The following ROBO1 variants were observed in gnomAD, a reference collection of about 807,000 sequenced individuals.
The protein encoded by ROBO1 is roundabout homolog 1.
Under a neutral mutation model 195.9 loss-of-function variants are expected in ROBO1, and 149 were observed. That is an observed-to-expected ratio of 0.76 (90% CI 0.67 to 0.87). ROBO1 has a LOEUF of 0.87. ROBO1 is among the 40% of genes least tolerant of loss of function. ROBO1 has a pLI of 0.00. For synonymous variants in ROBO1, 816 were observed against 733.2 expected, an observed-to-expected ratio of 1.11 and a Z score of -1.82; for missense variants, 1,933 against 2,068.3, an observed-to-expected ratio of 0.93 and a Z score of 1.27.
intron 2 of ROBO1, among the ~76,000 whole-genome samples, chr3:79,427,831 G>A (rs1423090268): frequency 3.9e-5 from 6 of 152,086 alleles, no homozygotes; most frequent in African/African-American, 1.2e-4. Flanking sequence ...TTCAAACTAT[G>A]AAACTACTAA....
At chr3:78,974,982 A>G (rs1273675092) in intron 3 of ROBO1, among the ~76,000 whole-genome samples, 1 of 152,118 alleles carries the variant, frequency 6.6e-6, no homozygotes, top group African/African-American at 2.4e-5. Context: ...AGAGCCTAAG[A>G]CCATGTCTAC....
At chr3:78,786,167 T>TAAGA (rs2083827860) in intron 4 of ROBO1, among the ~76,000 whole-genome samples, 1 of 152,198 alleles carries the variant, frequency 6.6e-6, no homozygotes, top group Non-Finnish European at 1.5e-5. Context: ...TCTGCTACAC[T>TAAGA]TTTATCCTTT....
intron 8 of ROBO1, among the ~76,000 whole-genome samples, chr3:78,690,918 T>TAA (rs1319803960): frequency 1.3e-5 from 2 of 152,094 alleles, no homozygotes; most frequent in African/African-American, 4.8e-5. Flanking sequence ...CTCAAAGACT[T>TAA]ATTTGAGAAC....
At chr3:79,049,289 A>G (rs1391674221) in intron 3 of ROBO1, among the ~76,000 whole-genome samples, 4 of 152,168 alleles carry the variant, frequency 2.6e-5, no homozygotes, top group Non-Finnish European at 5.9e-5. Context: ...AGTGGATGAA[A>G]GGATATCAGT....
At position 78,679,707 on chromosome 3, in the gene ROBO1, C is replaced by T. The variant is rs551118699; in HGVS notation, c.1342+6039G>A. 4.3e-3 allele frequency among the ~76,000 whole-genome samples: 649 copies of T among 152,270 alleles called. 6 individuals are homozygous for T. The highest frequency in any genetic ancestry group is 0.014 in the African/African-American group (601 of 41,542). On this transcript the variant is annotated intron_variant, in intron 10 of 30. Transcript: ENST00000464233. ...AGATACAAACAAATGGAAGAACGTT[C>T]CATGCTCATGGGTAGGAAGAATCAA...
chr3:79,221,645 C>A (rs779396549), intron 2 of ROBO1, among the ~76,000 whole-genome samples: 1 of 152,118 alleles, frequency 6.6e-6, no homozygotes, highest in Non-Finnish European at 1.5e-5. Context: ...GAATAATGTG[C>A]CACTATACCA....
chr3:79,340,533 C>T (rs1310772774), intron 2 of ROBO1, among the ~76,000 whole-genome samples: 1 of 152,128 alleles, frequency 6.6e-6, no homozygotes, highest in Non-Finnish European at 1.5e-5. Flanking sequence ...GCCAGACCCC[C>T]ATGAGTGGAC....
At chr3:79,049,771 A>G (rs761968587) in intron 3 of ROBO1, among the ~76,000 whole-genome samples, 4 of 152,146 alleles carry the variant, frequency 2.6e-5, no homozygotes, top group African/African-American at 9.7e-5. Flanking sequence ...TGAATTTTTA[A>G]CCCAGAATTT....
intron 1 of ROBO1, among the ~76,000 whole-genome samples, chr3:79,712,834 CT>C (rs1702327150): frequency 6.6e-6 from 1 of 152,052 alleles, no homozygotes; most frequent in South Asian, 2.1e-4. Flanking sequence ...TCCTAGTGCC[CT>C]TAAGAATGAT....
At chr3:78,867,765 A>G (rs2107099339) in intron 4 of ROBO1, among the ~76,000 whole-genome samples, 1 of 152,262 alleles carries the variant, frequency 6.6e-6, no homozygotes, top group African/African-American at 2.4e-5. Flanking sequence ...CTTTTTTAAA[A>G]GCCAAATCAG....
In ROBO1 at chr3:79,176,910, A is replaced by G. The variant is rs137892832; in HGVS notation, c.89-51371T>C. Among the ~76,000 whole-genome samples the G allele has an allele frequency of 2.3e-3, 357 of 152,338 alleles. 1 individual carries two copies. The highest frequency in any genetic ancestry group is 0.014 in the South Asian group (68 of 4,830). ...ATGTAAACCTCATATTCTACAAAAT[A>G]TATTAGCTCATAGTGCCAGTTATTA... On this transcript the variant is annotated intron_variant, in intron 2 of 30. Transcript: ENST00000464233.
intron 1 of ROBO1, among the ~76,000 whole-genome samples, chr3:79,756,591 AG>A (rs1704418154): frequency 6.6e-6 from 1 of 150,986 alleles, no homozygotes; most frequent in African/African-American, 2.4e-5. Context: ...TATTTTTCTA[AG>A]GGGTAAGGAT....
chr3:79,126,033 G>A (rs116496509), intron 2 of ROBO1, among the ~76,000 whole-genome samples: 3,240 of 152,270 alleles, frequency 0.021, 121 homozygotes, highest in African/African-American at 0.073. Context: ...GGAAAAACAG[G>A]TCTTGTCAAA....
intron 8 of ROBO1, among the ~76,000 whole-genome samples, chr3:78,696,703 C>T (rs1575957396): frequency 6.8e-6 from 1 of 146,140 alleles, no homozygotes. Context: ...TATATATACA[C>T]ATATATATAC....
At chr3:78,859,907 G>A (rs1002093372) in intron 4 of ROBO1, among the ~76,000 whole-genome samples, 9 of 151,964 alleles carry the variant, frequency 5.9e-5, no homozygotes, top group African/African-American at 1.7e-4. Flanking sequence ...GGTGAAACCC[G>A]TCTCTACTAA....
At chr3:79,234,076 T>G (rs1183511038) in intron 2 of ROBO1, among the ~76,000 whole-genome samples, 1 of 152,194 alleles carries the variant, frequency 6.6e-6, no homozygotes, top group Admixed American at 6.6e-5. Context: ...TCATAGATTC[T>G]GGATATTAGA....
chr3:79,707,368 T>C (rs940514383), intron 1 of ROBO1, among the ~76,000 whole-genome samples: 1 of 152,194 alleles, frequency 6.6e-6, no homozygotes, highest in South Asian at 2.1e-4. Context: ...ATGACACTAT[T>C]AACCCTTGCC....
chr3:79,268,540 C>G (rs555801800), intron 2 of ROBO1, among the ~76,000 whole-genome samples: 1 of 151,656 alleles, frequency 6.6e-6, no homozygotes, highest in Non-Finnish European at 1.5e-5. Context: ...TTTTACACAC[C>G]ATGTTGGTTT....
At chr3:79,575,210 G>A (rs35922554) in intron 2 of ROBO1, among the ~76,000 whole-genome samples, 51,878 of 100,114 alleles carry the variant, frequency 0.52, 13,565 homozygotes, top group African/African-American at 0.6. Context: ...ATATATAACA[G>A]ATATATATAT....
Sources: gnomAD v4.1 joint callset for allele counts (sites outside exome capture counted in the v4.1 genomes callset) on GRCh38, gnomAD v4.1.1 for gene constraint, MANE v1.5 for transcripts, NCBI Gene and HGNC (gene_info 2026-07-23, HGNC 2026-07-21) for gene names.